The following PCDHA11 variants were observed in gnomAD, a reference collection of about 807,000 sequenced individuals.
PCDHA11 encodes the protein protocadherin alpha-11.
In PCDHA11, 61 loss-of-function variants were observed where a neutral mutation model predicts 70.3. The ratio of observed to expected loss-of-function variants is 0.87; its 90% CI spans 0.71 to 1.07. The LOEUF is 1.07. Among genes scored for constraint, PCDHA11 ranks in the 50% least tolerant of loss-of-function variants. The pLI is 0.00. For missense variants in PCDHA11, 1,324 were observed against 1,237.5 expected, an observed-to-expected ratio of 1.07 and a Z score of -1.05; for synonymous variants, 633 against 555.1, an observed-to-expected ratio of 1.14 and a Z score of -1.97.
In PCDHA11 at chr5:140,978,971, G is replaced by C. The variant is rs782774245; in HGVS notation, c.2414G>C (p.Trp805Ser). Residue 805 changes from tryptophan (W) to serine (S), a missense_variant, in exon 2 of 4, where the codon TGG (tryptophan) becomes TCG (serine). Trp to Ser is a radical substitution (Grantham distance 177). Transcript: ENST00000398640. ...CAGCCACGACAGCCCAACCCTGACT[G>C]GCGTTACTCTGCCTCCCTGAGAGCA... is the stretch of plus-strand genomic sequence containing the variant. ...PGQPRQPNPD[W>S]RYSASLRAGM... 6.2e-7 allele frequency: 1 copy of C among 1,614,170 alleles called. No homozygotes were observed. The highest frequency in any genetic ancestry group is 2.2e-5 in the East Asian group (1 of 44,882).
chr5:140,985,289 T>C (rs2097145554), intron 3 of PCDHA11, among the ~76,000 whole-genome samples: 2 of 152,172 alleles, frequency 1.3e-5, no homozygotes, highest in African/African-American at 4.8e-5. Flanking sequence ...ATCTATGATA[T>C]AGTGTTGGCT....
intron 1 of PCDHA11, among the ~76,000 whole-genome samples, chr5:140,909,158 A>G (rs2074345366): frequency 6.6e-6 from 1 of 152,338 alleles, no homozygotes; most frequent in Non-Finnish European, 1.5e-5. Flanking sequence ...TATGGAAGGG[A>G]AAATCAATCA....
intron 1 of PCDHA11, among the ~76,000 whole-genome samples, chr5:140,971,183 G>C (rs1471489236): frequency 1.3e-5 from 2 of 152,170 alleles, no homozygotes; most frequent in African/African-American, 4.8e-5. Flanking sequence ...CTGTAAGCCG[G>C]AAGCTCAGAG....
intron 3 of PCDHA11, among the ~76,000 whole-genome samples, chr5:140,992,017 CTGTG>C (rs10602499): frequency 0.28 from 40,265 of 145,404 alleles, 5,754 homozygotes; most frequent in East Asian, 0.38. Flanking sequence ...AGAGGTGGCT[CTGTG>C]TGTGTGTGTG....
intron 3 of PCDHA11, among the ~76,000 whole-genome samples, chr5:140,989,470 C>T (rs1365588787): frequency 6.6e-6 from 1 of 152,148 alleles, no homozygotes; most frequent in African/African-American, 2.4e-5. Context: ...TGGAACTCCT[C>T]CTGGGAGGTG....
At chr5:140,882,108 A>T in intron 1 of PCDHA11, 4 of 1,370,912 alleles carry the variant, frequency 2.9e-6, no homozygotes, top group Non-Finnish European at 3.9e-6. Context: ...TCCGCGAAGA[A>T]AGCCGCCGTT....
chr5:140,927,008 TCTCCGCGGACTTGAGGCTGCCAG>T (rs782232084), intron 1 of PCDHA11: 1 of 1,612,514 alleles, frequency 6.2e-7, no homozygotes, highest in South Asian at 1.1e-5. Flanking sequence ...GTAGGCAATC[TCTCCGCGGACTTGAGGCTGCCAG>T]CGGCCGCTAT....
intron 3 of PCDHA11, among the ~76,000 whole-genome samples, chr5:140,995,211 A>G (rs529613370): frequency 2.6e-5 from 4 of 152,188 alleles, no homozygotes; most frequent in Non-Finnish European, 4.4e-5. Context: ...ATTAGGCACA[A>G]TACTCTTGTG....
chr5:140,966,957 C>T lies in PCDHA11; in HGVS notation c.2392-11992C>T, dbSNP rs868948639. 4 of 1,602,884 alleles carry T rather than the reference C, an allele frequency of 2.5e-6. No individual in the cohort carries two copies. The African/African-American group carries it at 4.0e-5, about 16-fold the overall frequency. ...GCGCTCGTGGGCAACGTGGCTCGCG[C>T]GCTGGGGCTTGAGCTGCGGCGCTTG... On this transcript the variant is annotated intron_variant, in intron 1 of 3. Transcript: ENST00000398640.
intron 1 of PCDHA11, among the ~76,000 whole-genome samples, chr5:140,890,562 C>T (rs1456006217): frequency 1.3e-5 from 2 of 151,980 alleles, no homozygotes; most frequent in Non-Finnish European, 2.9e-5. Flanking sequence ...TTTTATTGTT[C>T]CATTTCCTTC....
At chr5:140,928,388 C>T in intron 1 of PCDHA11, 1 of 1,614,012 alleles carries the variant, frequency 6.2e-7, no homozygotes, top group Non-Finnish European at 8.5e-7. Flanking sequence ...AGCTTGCTGG[C>T]AGTGGAATCA....
At chr5:140,988,085 G>T (rs1490034264) in intron 3 of PCDHA11, among the ~76,000 whole-genome samples, 1 of 152,176 alleles carries the variant, frequency 6.6e-6, no homozygotes, top group East Asian at 1.9e-4. Flanking sequence ...ATGAGTGAGT[G>T]CAGCCTCGGG....
intron 1 of PCDHA11, chr5:140,877,117 G>T (rs781979355): frequency 6.8e-6 from 11 of 1,613,720 alleles, no homozygotes; most frequent in Admixed American, 3.3e-5. Flanking sequence ...GGGCAGCAAC[G>T]TGACGCTGCA....
At chr5:140,929,557 A>AT (rs2086230665) in intron 1 of PCDHA11, 1 of 478,260 alleles carries the variant, frequency 2.1e-6, no homozygotes, top group Non-Finnish European at 3.6e-6. Flanking sequence ...ATTAAAACCT[A>AT]TTTAAGAACA....
chr5:140,944,857 A>G (rs1288221644), intron 1 of PCDHA11, among the ~76,000 whole-genome samples: 1 of 152,078 alleles, frequency 6.6e-6, no homozygotes, highest in Non-Finnish European at 1.5e-5. Context: ...AATCATCCTT[A>G]TTTATCTTAA....
intron 1 of PCDHA11, among the ~76,000 whole-genome samples, chr5:140,932,619 A>T (rs535899807): frequency 5.3e-5 from 8 of 152,056 alleles, no homozygotes; most frequent in African/African-American, 1.9e-4. Context: ...TGAAGCTGAT[A>T]ACCACACTAA....
intron 3 of PCDHA11, among the ~76,000 whole-genome samples, chr5:141,006,214 TTA>T (rs2098261511): frequency 6.6e-6 from 1 of 152,046 alleles, no homozygotes; most frequent in South Asian, 2.1e-4. Flanking sequence ...TCATTTTTTT[TTA>T]AATTTTTTAT....
intron 1 of PCDHA11, chr5:140,884,715 AGTT>A: frequency 6.8e-7 from 1 of 1,470,936 alleles, no homozygotes; most frequent in Non-Finnish European, 9.0e-7. Context: ...CCTTCCTTGC[AGTT>A]GTTTGTTTAA....
At chr5:141,005,479 G>A (rs371636060) in intron 3 of PCDHA11, among the ~76,000 whole-genome samples, 43 of 151,818 alleles carry the variant, frequency 2.8e-4, no homozygotes, top group Non-Finnish European at 2.6e-4. Context: ...CGAGACGGGC[G>A]GATCATGAGG....
Sources: gnomAD v4.1 joint callset for allele counts (sites outside exome capture counted in the v4.1 genomes callset) on GRCh38, gnomAD v4.1.1 for gene constraint, MANE v1.5 for transcripts, NCBI Gene and HGNC (gene_info 2026-07-23, HGNC 2026-07-21) for gene names.